Variants in CSMD2 observed in about 807,000 individuals in gnomAD.
The protein encoded by CSMD2 is CUB and Sushi multiple domains 2, also known as CUB and sushi domain-containing protein 2.
CSMD2 carries 130 observed loss-of-function variants against 398.5 expected under a neutral mutation model. The ratio of observed to expected loss-of-function variants is 0.33; its 90% CI spans 0.28 to 0.38. The LOEUF is 0.38. CSMD2 is among the 10% of genes least tolerant of loss of function. The probability of loss-of-function intolerance (pLI) is 1.00; values close to 1 mark genes in which losing one functional copy is unlikely to be tolerated. For synonymous variants in CSMD2, 1,828 were observed against 1,908.5 expected, an observed-to-expected ratio of 0.96 and a Z score of 1.10; for missense variants, 3,829 against 4,764.9, an observed-to-expected ratio of 0.80 and a Z score of 5.78.
chr1:33,996,195 C>T (rs1166030874), intron 3 of CSMD2, among the ~76,000 whole-genome samples: 1 of 151,374 alleles, frequency 6.6e-6, no homozygotes, highest in Non-Finnish European at 1.5e-5. Context: ...CACTGGTAAT[C>T]AGAGCAATAT....
chr1:33,633,606 G>C lies in CSMD2; in HGVS notation c.5087-71C>G. 1 of 1,201,858 alleles carries C rather than the reference G, an allele frequency of 8.3e-7. No homozygotes were observed. Among genetic ancestry groups the C allele is most frequent in the East Asian group, 2.5e-5 (1 of 39,240 alleles). The allele number at this position is 1,201,858 out of a possible 1,614,324, so 74.4% of individuals were successfully genotyped here. On this transcript the variant is annotated intron_variant, in intron 31 of 70. Coordinates refer to ENST00000373381, the MANE Select transcript of CSMD2 (RefSeq NM_001281956.2). This position sits in a 1 kb window ranked among gnomAD's most constrained non-coding sequence, Gnocchi z 5.0. ...CAGGAGAGGGGATCTAGGGGTCTAG[G>C]GGCCCAAGCCAGGAGGAGGGCAGCC... is the stretch of plus-strand genomic sequence containing the variant.
intron 3 of CSMD2, among the ~76,000 whole-genome samples, chr1:33,989,688 T>A (rs1442267854): frequency 1.3e-5 from 2 of 152,280 alleles, no homozygotes; most frequent in Admixed American, 1.3e-4. Context: ...TGACAACACA[T>A]GAACTAATCT....
At chr1:33,828,493 C>A (rs1037015972) in intron 6 of CSMD2, among the ~76,000 whole-genome samples, 1 of 152,148 alleles carries the variant, frequency 6.6e-6, no homozygotes, top group Non-Finnish European at 1.5e-5. Context: ...AAGAAAGAGT[C>A]TTCATCGTCT....
chr1:34,121,404 T>G (rs1403906239), intron 1 of CSMD2, among the ~76,000 whole-genome samples: 1 of 152,194 alleles, frequency 6.6e-6, no homozygotes, highest in Non-Finnish European at 1.5e-5. Context: ...CTATGACCAC[T>G]AGGTCTTGCC....
At chr1:33,887,192 T>A (rs1393191232) in intron 5 of CSMD2, among the ~76,000 whole-genome samples, 1 of 151,448 alleles carries the variant, frequency 6.6e-6, no homozygotes, top group South Asian at 2.1e-4. Flanking sequence ...GAATCAAGTA[T>A]CTTAAAAAAT....
At chr1:33,614,215 G>A (rs766427368) in intron 40 of CSMD2, among the ~76,000 whole-genome samples, 16 of 149,982 alleles carry the variant, frequency 1.1e-4, no homozygotes, top group Non-Finnish European at 1.9e-4. Flanking sequence ...TACAGTGTTA[G>A]TTAGGTATAA....
At chr1:34,122,980 C>G (rs1662345877) in intron 1 of CSMD2, among the ~76,000 whole-genome samples, 1 of 152,182 alleles carries the variant, frequency 6.6e-6, no homozygotes, top group Non-Finnish European at 1.5e-5. Context: ...AGAGTCCTGG[C>G]AGGTAGGTGC....
At chr1:34,093,405 G>T (rs375236150) in intron 1 of CSMD2, among the ~76,000 whole-genome samples, 1 of 152,194 alleles carries the variant, frequency 6.6e-6, no homozygotes, top group Non-Finnish European at 1.5e-5. Context: ...AAAGCTGGAC[G>T]GAGAATGACT....
intron 11 of CSMD2, among the ~76,000 whole-genome samples, 185 bp from the exon 12 acceptor site, chr1:33,788,897 C>T (rs1049659092): frequency 9.9e-5 from 15 of 152,192 alleles, no homozygotes; most frequent in Admixed American, 4.6e-4. Context: ...AAGACTCATC[C>T]TGTCTTCCCC....
chr1:33,700,565 T>C lies in CSMD2; in HGVS notation c.3685A>G (p.Ile1229Val), dbSNP rs1276861419. Residue 1229 changes from isoleucine (I) to valine (V), a missense_variant, in exon 23 of 71, where the codon ATC becomes GTC. Ile to Val is a conservative substitution (Grantham distance 29). Around this residue, in one of 5 missense-constraint regions of CSMD2, gnomAD observed 2,001 missense variants for 2,567.1 expected, o/e 0.78. Transcript: ENST00000373381. ...STSSSLWLDF[I>V]TDAENTSKGF... is the part of the protein sequence containing the mutation. ...TTGCTGGTGTTTTCAGCATCAGTGA[T>C]GAAATCAAGCCACAGACTGCTGGAT... is the stretch of plus-strand genomic sequence containing the variant. The C allele has an allele frequency of 6.2e-7, 1 of 1,614,206 alleles. No homozygotes were observed.
chr1:33,583,743 G>A lies in CSMD2; in HGVS notation c.7139C>T (p.Thr2380Ile). The stretch of plus-strand genomic sequence containing the variant: ...CTCCACTCTCACCAGCCAAGAGCAG[G>A]TCTGGAACTGGGGATAGCTTCCAGG... ...SYPGSYPQFQ[T>I]CSWLVRVEPD... Residue 2380 changes from threonine (T) to isoleucine (I), a missense_variant, in exon 47 of 71, where the codon ACC becomes ATC. This residue lies in a region of CSMD2 where 723 missense variants were observed against 758.6 expected (regional missense o/e 0.95). Transcript: ENST00000373381. 6.2e-7 allele frequency: 1 copy of A among 1,614,232 alleles called. No homozygotes were observed.
In CSMD2 at chr1:33,633,601, T is replaced by A. The variant is rs1642605873; in HGVS notation, c.5087-66A>T. 1 of 1,239,496 alleles carries A rather than the reference T, an allele frequency of 8.1e-7. No homozygotes were observed. The highest frequency in any genetic ancestry group is 1.2e-6 in the Non-Finnish European group (1 of 864,338). The allele number at this position is 1,239,496 out of a possible 1,614,324, so 76.8% of individuals were successfully genotyped here. On this transcript the variant is annotated intron_variant, in intron 31 of 70. Coordinates refer to ENST00000373381, the MANE Select transcript of CSMD2 (RefSeq NM_001281956.2). The surrounding 1 kb of genome is among the most constrained non-coding windows in gnomAD (Gnocchi z 5.0). ...GGGGGCAGGAGAGGGGATCTAGGGG[T>A]CTAGGGGCCCAAGCCAGGAGGAGGG... is the stretch of plus-strand genomic sequence containing the variant.
intron 3 of CSMD2, among the ~76,000 whole-genome samples, chr1:33,995,762 C>T (rs1051192797): frequency 3.9e-5 from 6 of 152,190 alleles, no homozygotes; most frequent in African/African-American, 1.2e-4. Flanking sequence ...ATGGACTTAT[C>T]GCGAATAGGA....
chr1:33,691,083 A>G (rs1468119343), intron 25 of CSMD2, among the ~76,000 whole-genome samples: 1 of 152,158 alleles, frequency 6.6e-6, no homozygotes. Flanking sequence ...AGGGCGTTCC[A>G]GAGGAAGGGC....
chr1:33,624,876 T>C lies in CSMD2; in HGVS notation c.5500+175A>G, dbSNP rs1642005883. 6.6e-6 allele frequency among the ~76,000 whole-genome samples: 1 copy of C among 152,074 alleles called. No individual in the cohort carries two copies. Among genetic ancestry groups the C allele is most frequent in the Admixed American group, 6.5e-5 (1 of 15,284 alleles). ...CCCGTCCCCAGTACACCGGCTGTCT[T>C]CACACAGCCCACAGCGCCGGGGACT... On this transcript the variant is annotated intron_variant, in intron 34 of 70. Transcript: ENST00000373381. This position sits in a 1 kb window ranked among gnomAD's most constrained non-coding sequence, Gnocchi z 4.7.
chr1:33,707,689 GCGCGCGCACACACACACACA>G (rs1358462515), intron 22 of CSMD2, among the ~76,000 whole-genome samples: 65 of 126,400 alleles, frequency 5.1e-4, no homozygotes, highest in African/African-American at 1.2e-3. Flanking sequence ...GCACACGCGC[GCGCGCGCACACACACACACA>G]CACACACACA....
At position 33,554,644 on chromosome 1, in the gene CSMD2, A is replaced by G. The variant is rs1476311069; in HGVS notation, c.8743+3090T>C. Among the ~76,000 whole-genome samples, 16 of 152,236 alleles carry G rather than the reference A, an allele frequency of 1.1e-4. No individual in the cohort carries two copies. In the East Asian group the frequency reaches 3.1e-3, roughly 29 times the overall value. The stretch of plus-strand genomic sequence containing the variant: ...CCAATGCTCATTTACCCATTCTGAA[A>G]ATCCTAGGGCCCTTAAGAATTATTC... On this transcript the variant is annotated intron_variant, in intron 55 of 70. Transcript: ENST00000373381.
In CSMD2 at chr1:33,856,044, G is replaced by C. The variant is rs373619154; in HGVS notation, c.921-9048C>G. On this transcript the variant is annotated intron_variant, in intron 5 of 70. Transcript: ENST00000373381. The stretch of plus-strand genomic sequence containing the variant: ...TGCAACGTAACTTCTCTGAGCCTCA[G>C]TTTCCTCATCTGTGCAATGGGATTC... 2.6e-5 allele frequency among the ~76,000 whole-genome samples: 4 copies of C among 152,326 alleles called. No individual in the cohort carries two copies. The East Asian group carries it at 7.7e-4, about 29-fold the overall frequency.
chr1:33,702,009 A>G (rs573020911), intron 22 of CSMD2, among the ~76,000 whole-genome samples: 2 of 152,196 alleles, frequency 1.3e-5, no homozygotes, highest in Non-Finnish European at 2.9e-5. Context: ...TGATCAGATC[A>G]AGCCACTGGA....
Sources: allele counts gnomAD v4.1 joint callset (sites outside exome capture counted in the v4.1 genomes callset), GRCh38; gene constraint gnomAD v4.1.1; regional missense constraint gnomAD v4.1.1; non-coding constraint Gnocchi (gnomAD v3.1); transcripts MANE v1.5; gene names NCBI Gene and HGNC (gene_info 2026-07-23, HGNC 2026-07-21).